Variants in KATNAL1 observed in about 807,000 individuals in gnomAD.
KATNAL1 encodes katanin p60 ATPase-containing subunit A-like 1.
In KATNAL1, 32 loss-of-function variants were observed where a neutral mutation model predicts 55.2. That is an observed-to-expected ratio of 0.58 (90% confidence interval 0.44 to 0.78). The LOEUF (loss-of-function observed/expected upper bound fraction) is 0.78. Among genes scored for constraint, KATNAL1 ranks in the 30% least tolerant of loss-of-function variants. The probability of loss-of-function intolerance (pLI) is 0.00; values close to 1 mark genes in which losing one functional copy is unlikely to be tolerated. For missense variants in KATNAL1, 466 were observed against 600.9 expected (o/e 0.78, Z 2.35); for synonymous variants, 193 against 193.6 (o/e 1.00, Z 0.02).
chr13:30,296,437 C>T (rs1366919052), intron 1 of KATNAL1: 14 of 826,018 alleles, frequency 1.7e-5, no homozygotes, highest in South Asian at 9.7e-5. Flanking sequence ...GAGGCTTGGG[C>T]CCCCTGAACA....
intron 1 of KATNAL1, among the ~76,000 whole-genome samples, chr13:30,285,630 A>T (rs986764184): frequency 2.6e-5 from 4 of 152,220 alleles, no homozygotes; most frequent in African/African-American, 9.7e-5. Flanking sequence ...AATACAGTAG[A>T]CTAGTACCAG....
chr13:30,213,827 G>A (rs1438308767), intron 9 of KATNAL1, among the ~76,000 whole-genome samples: 1 of 152,146 alleles, frequency 6.6e-6, no homozygotes, highest in Non-Finnish European at 1.5e-5. Context: ...ATATTGAATG[G>A]GCAAAAACTG....
intron 1 of KATNAL1, chr13:30,296,184 CT>C (rs1882478329): frequency 3.0e-6 from 2 of 666,622 alleles, no homozygotes; most frequent in Admixed American, 2.9e-5. Flanking sequence ...AAGCCTGCCC[CT>C]AACTTCAAGG....
In KATNAL1 at chr13:30,231,475, G is replaced by T; in HGVS notation, c.727-3C>A. The T allele has an allele frequency of 6.7e-7, 1 of 1,491,456 alleles. No individual in the cohort carries two copies. Among genetic ancestry groups the T allele is most frequent in the Non-Finnish European group, 8.9e-7 (1 of 1,118,344 alleles). The allele number at this position is 1,491,456 out of a possible 1,614,324, so 92.4% of individuals were successfully genotyped here. On this transcript the variant is annotated splice_polypyrimidine_tract_variant and splice_region_variant and intron_variant, in intron 6 of 10. Transcript: ENST00000380615. ...GGGGGTCCAACCATCAGTACACCCT[G>T]AAATTTCAAAAGACAAATTAAATGA... is the stretch of plus-strand genomic sequence containing the variant.
At chr13:30,286,334 T>G (rs755958319) in intron 1 of KATNAL1, among the ~76,000 whole-genome samples, 10 of 152,236 alleles carry the variant, frequency 6.6e-5, no homozygotes, top group Non-Finnish European at 1.2e-4. Flanking sequence ...AGGGCCCCTC[T>G]GCTGTGTGCA....
chr13:30,307,228 A>G (rs901135273), intron 1 of KATNAL1, 103 bp downstream of exon 1: 2 of 152,230 alleles, frequency 1.3e-5, no homozygotes, highest in Admixed American at 6.5e-5. Flanking sequence ...CCCGCAGCCC[A>G]CTGCCCTGGC....
At chr13:30,285,036 T>C (rs1357312104) in intron 1 of KATNAL1, among the ~76,000 whole-genome samples, 1 of 152,216 alleles carries the variant, frequency 6.6e-6, no homozygotes, top group Non-Finnish European at 1.5e-5. Context: ...AATTAAACTT[T>C]GGTTTGGGGA....
intron 3 of KATNAL1, among the ~76,000 whole-genome samples, chr13:30,276,850 T>C (rs750268321): frequency 4.6e-5 from 7 of 152,208 alleles, no homozygotes; most frequent in Non-Finnish European, 5.9e-5. Flanking sequence ...GCTCTGCTAC[T>C]TTCTTGTTCA....
intron 2 of KATNAL1, among the ~76,000 whole-genome samples, chr13:30,283,267 A>AAG (rs1201726378): frequency 2.7e-5 from 1 of 37,320 alleles, no homozygotes; most frequent in African/African-American, 1.3e-4. Flanking sequence ...ACTCTGTCTC[A>AAG]AAAAAAAAAA....
At chr13:30,271,878 G>GAAAAAAAAAAAAAAAAAAAAA (rs71299873) in intron 3 of KATNAL1, among the ~76,000 whole-genome samples, 15 of 76,788 alleles carry the variant, frequency 2.0e-4, no homozygotes, top group East Asian at 4.0e-4. Flanking sequence ...AAGAAAAGAG[G>GAAAAAAAAAAAAAAAAAAAAA]AAAAAAAAAA....
chr13:30,223,518 C>T (rs1377918372), intron 9 of KATNAL1, among the ~76,000 whole-genome samples: 1 of 144,262 alleles, frequency 6.9e-6, no homozygotes, highest in African/African-American at 2.6e-5. Flanking sequence ...AGATAAAAAG[C>T]AGATATAGCA....
intron 3 of KATNAL1, among the ~76,000 whole-genome samples, chr13:30,263,819 C>G (rs1002525639): frequency 7.0e-6 from 1 of 142,950 alleles, no homozygotes; most frequent in African/African-American, 2.6e-5. Context: ...TTTACAGATT[C>G]AATGCCATCC....
At chr13:30,211,711 C>G (rs9508682) in intron 9 of KATNAL1, among the ~76,000 whole-genome samples, 4 of 152,046 alleles carry the variant, frequency 2.6e-5, no homozygotes, top group Non-Finnish European at 5.9e-5. Flanking sequence ...TAAAAACTAA[C>G]GGGCAGATAC....
At chr13:30,245,075 A>G (rs1295015446) in intron 4 of KATNAL1, among the ~76,000 whole-genome samples, 2 of 152,146 alleles carry the variant, frequency 1.3e-5, no homozygotes, top group Non-Finnish European at 2.9e-5. Flanking sequence ...TCTTCCTGAT[A>G]CCAAAACCTG....
chr13:30,297,624 A>G (rs1882600603), intron 1 of KATNAL1, among the ~76,000 whole-genome samples: 2 of 152,374 alleles, frequency 1.3e-5, no homozygotes, highest in South Asian at 2.1e-4. Flanking sequence ...CTCGGTATCC[A>G]TCAACAGTGG....
intron 1 of KATNAL1, chr13:30,296,074 G>T: frequency 3.6e-6 from 1 of 277,840 alleles, no homozygotes; most frequent in Non-Finnish European, 6.8e-6. Context: ...TTAGTCACAT[G>T]GGCACTGAGA....
intron 1 of KATNAL1, chr13:30,296,799 C>A (rs767842422): frequency 3.6e-5 from 15 of 420,100 alleles, no homozygotes; most frequent in Non-Finnish European, 7.0e-5. Context: ...CTCACCTGTG[C>A]CCCTACCTAG....
intron 6 of KATNAL1, among the ~76,000 whole-genome samples, chr13:30,236,757 A>G (rs1876727963): frequency 6.6e-6 from 1 of 152,204 alleles, no homozygotes; most frequent in South Asian, 2.1e-4. Context: ...CACACCAACC[A>G]TTCCAGCAGT....
intron 4 of KATNAL1, among the ~76,000 whole-genome samples, chr13:30,253,791 C>G (rs184991312): frequency 1.3e-5 from 2 of 152,250 alleles, no homozygotes; most frequent in African/African-American, 4.8e-5. Flanking sequence ...TAAATCCAAT[C>G]CAGACTTTTC....
Sources: gnomAD v4.1 joint callset for allele counts (sites outside exome capture counted in the v4.1 genomes callset) on GRCh38, gnomAD v4.1.1 for gene constraint, MANE v1.5 for transcripts, NCBI Gene and HGNC (gene_info 2026-07-23, HGNC 2026-07-21) for gene names.